Variants in SMYD3 observed in about 807,000 individuals in gnomAD.
SMYD3 encodes SET and MYND domain containing 3, also known as histone-lysine N-methyltransferase SMYD3.
In SMYD3, 36 loss-of-function variants were observed where a neutral mutation model predicts 57.7. That is an observed-to-expected ratio of 0.62 (90% CI 0.48 to 0.82). The LOEUF (loss-of-function observed/expected upper bound fraction) is 0.82. SMYD3 is among the 40% of genes least tolerant of loss of function. SMYD3 has a pLI of 0.00. For missense variants in SMYD3, 515 were observed against 538.8 expected, an observed-to-expected ratio of 0.96 and a Z score of 0.44; for synonymous variants, 211 against 195.0, an observed-to-expected ratio of 1.08 and a Z score of -0.68.
At chr1:246,451,532 TTACTC>T (rs2067632251) in intron 1 of SMYD3, among the ~76,000 whole-genome samples, 1 of 152,118 alleles carries the variant, frequency 6.6e-6, no homozygotes, top group East Asian at 1.9e-4. Context: ...GGCAGGGAAA[TTACTC>T]TATGATATGA....
At chr1:246,237,359 A>G (rs1160336236) in intron 5 of SMYD3, among the ~76,000 whole-genome samples, 2 of 152,144 alleles carry the variant, frequency 1.3e-5, no homozygotes, top group Non-Finnish European at 2.9e-5. Flanking sequence ...TCTCCTAAAG[A>G]TATTTTTACT....
chr1:246,105,540 C>A (rs1292518740), intron 5 of SMYD3, among the ~76,000 whole-genome samples: 1 of 152,152 alleles, frequency 6.6e-6, no homozygotes. Context: ...CTGCCCCAAC[C>A]TGCAGAGGGA....
chr1:246,008,385 C>T (rs146590571), intron 5 of SMYD3, among the ~76,000 whole-genome samples: 1 of 152,262 alleles, frequency 6.6e-6, no homozygotes, highest in African/African-American at 2.4e-5. Context: ...TAAAGGTGGG[C>T]CTCACTGAAA....
intron 5 of SMYD3, chr1:246,326,319 C>A (rs1044525145): frequency 8.9e-6 from 6 of 673,790 alleles, no homozygotes; most frequent in Non-Finnish European, 1.6e-5. Context: ...GACAGCAGAT[C>A]CATAGCAGTG....
At chr1:245,876,870 C>T (rs1014999071) in intron 8 of SMYD3, among the ~76,000 whole-genome samples, 5 of 152,094 alleles carry the variant, frequency 3.3e-5, no homozygotes, top group Non-Finnish European at 7.3e-5. Context: ...AGCCCTCTGC[C>T]TGGCCAGGAT....
At chr1:246,050,231 G>C (rs2060044664) in intron 5 of SMYD3, among the ~76,000 whole-genome samples, 1 of 152,138 alleles carries the variant, frequency 6.6e-6, no homozygotes, top group Non-Finnish European at 1.5e-5. Context: ...AAGTAGTAGT[G>C]CCAAGATGAT....
intron 5 of SMYD3, chr1:245,930,163 G>GAAA: frequency 3.3e-5 from 15 of 453,382 alleles, no homozygotes; most frequent in East Asian, 1.0e-4. Context: ...CCTCCTGGGA[G>GAAA]AAAAAAAAAA....
At chr1:245,949,433 G>A (rs1449674863) in intron 5 of SMYD3, among the ~76,000 whole-genome samples, 1 of 151,998 alleles carries the variant, frequency 6.6e-6, no homozygotes, top group Non-Finnish European at 1.5e-5. Flanking sequence ...TAGACACCAC[G>A]GATGCCGATA....
At chr1:245,779,167 A>C (rs1174605531) in intron 10 of SMYD3, among the ~76,000 whole-genome samples, 1 of 144,972 alleles carries the variant, frequency 6.9e-6, no homozygotes, top group Non-Finnish European at 1.5e-5. Flanking sequence ...CCCAAGGGGA[A>C]AAAAAAAAAA....
chr1:246,099,586 A>G (rs1345057217), intron 5 of SMYD3, among the ~76,000 whole-genome samples: 3 of 152,182 alleles, frequency 2.0e-5, no homozygotes, highest in Admixed American at 6.5e-5. Flanking sequence ...TAAAATTCCA[A>G]CATTATGATG....
chr1:246,153,308 C>G (rs74662966), intron 5 of SMYD3, among the ~76,000 whole-genome samples: 1 of 151,996 alleles, frequency 6.6e-6, no homozygotes, highest in Non-Finnish European at 1.5e-5. Context: ...GTTCCACATC[C>G]TCTCTGTCTC....
At chr1:246,246,807 C>T (rs1299558499) in intron 5 of SMYD3, among the ~76,000 whole-genome samples, 1 of 150,686 alleles carries the variant, frequency 6.6e-6, no homozygotes, top group African/African-American at 2.4e-5. Context: ...ATTTGCCTGA[C>T]TCTAACATTT....
intron 1 of SMYD3, among the ~76,000 whole-genome samples, chr1:246,491,735 C>A (rs1180785094): frequency 6.6e-6 from 1 of 152,152 alleles, no homozygotes; most frequent in Admixed American, 6.5e-5. Context: ...TAGAGAGGAG[C>A]TGCAGGAACT....
At chr1:246,489,794 T>C (rs888998989) in intron 1 of SMYD3, among the ~76,000 whole-genome samples, 2 of 152,164 alleles carry the variant, frequency 1.3e-5, no homozygotes, top group African/African-American at 4.8e-5. Context: ...AAGTACACTG[T>C]ATGAAGTTAT....
intron 5 of SMYD3, among the ~76,000 whole-genome samples, chr1:246,246,672 T>C (rs1377095197): frequency 1.3e-5 from 2 of 152,084 alleles, no homozygotes; most frequent in Admixed American, 6.6e-5. Context: ...AGTATATTTA[T>C]GACTTTATTT....
intron 5 of SMYD3, among the ~76,000 whole-genome samples, chr1:246,309,869 G>GA (rs1263358160): frequency 6.6e-6 from 1 of 151,520 alleles, no homozygotes; most frequent in East Asian, 1.9e-4. Flanking sequence ...CTCTGCAAAA[G>GA]AAAAAAGAAA....
chr1:245,996,417 A>G (rs1228139099), intron 5 of SMYD3, among the ~76,000 whole-genome samples: 1 of 152,166 alleles, frequency 6.6e-6, no homozygotes, highest in Non-Finnish European at 1.5e-5. Context: ...TGCAATGCTA[A>G]TGGGTTTATA....
intron 11 of SMYD3, among the ~76,000 whole-genome samples, chr1:245,763,248 C>T (rs2045929077): frequency 6.6e-6 from 1 of 152,224 alleles, no homozygotes; most frequent in Non-Finnish European, 1.5e-5. Flanking sequence ...TTCCTAAGTT[C>T]CAGATCCCTT....
At chr1:246,035,707 T>A (rs1004313660) in intron 5 of SMYD3, 2 of 152,224 alleles carry the variant, frequency 1.3e-5, no homozygotes, top group African/African-American at 4.8e-5. Flanking sequence ...CAATTACGGC[T>A]GAAAATCAGT....
Sources: gnomAD v4.1 joint callset for allele counts (sites outside exome capture counted in the v4.1 genomes callset) on GRCh38, gnomAD v4.1.1 for gene constraint, MANE v1.5 for transcripts, NCBI Gene and HGNC (gene_info 2026-07-23, HGNC 2026-07-21) for gene names.